The following TTC29 variants were observed in gnomAD, a reference collection of about 807,000 sequenced individuals.
The protein encoded by TTC29 is tetratricopeptide repeat protein 29.
Under a neutral mutation model 58.1 loss-of-function variants are expected in TTC29, and 49 were observed. The observed-to-expected ratio is 0.84, with a 90% CI of 0.67 to 1.07. The LOEUF (loss-of-function observed/expected upper bound fraction) is 1.07. TTC29 is among the 50% of genes least tolerant of loss of function. TTC29 has a pLI of 0.00. For missense variants in TTC29, 582 were observed against 555.6 expected (o/e 1.05, Z -0.48); for synonymous variants, 209 against 196.8 (o/e 1.06, Z -0.52).
At chr4:146,927,893 G>A (rs757416747) in intron 4 of TTC29, among the ~76,000 whole-genome samples, 1 of 152,144 alleles carries the variant, frequency 6.6e-6, no homozygotes. Context: ...GGTGAGCTAA[G>A]CACTGTATGA....
chr4:146,876,956 C>T (rs1381592721), intron 6 of TTC29, among the ~76,000 whole-genome samples: 1 of 130,272 alleles, frequency 7.7e-6, no homozygotes. Context: ...AAAAAAAAAG[C>T]AAAATTTAGT....
At chr4:146,778,814 A>G (rs1204056481) in intron 11 of TTC29, among the ~76,000 whole-genome samples, 2 of 151,768 alleles carry the variant, frequency 1.3e-5, no homozygotes, top group East Asian at 3.9e-4. Context: ...TAGACCCTGG[A>G]CTCCAAAAGG....
At chr4:146,823,089 C>T (rs542288997) in intron 9 of TTC29, among the ~76,000 whole-genome samples, 120 of 152,284 alleles carry the variant, frequency 7.9e-4, no homozygotes, top group African/African-American at 2.8e-3. Flanking sequence ...TTTTGCTATG[C>T]AGAAGCTCTT....
intron 11 of TTC29, among the ~76,000 whole-genome samples, chr4:146,750,205 C>T (rs370573099): frequency 5.3e-5 from 8 of 152,074 alleles, no homozygotes; most frequent in South Asian, 2.1e-4. Flanking sequence ...GACGGGGTTT[C>T]GCGGTGTTAG....
chr4:146,709,649 G>A (rs950690725), intron 11 of TTC29, among the ~76,000 whole-genome samples: 1 of 151,968 alleles, frequency 6.6e-6, no homozygotes, highest in African/African-American at 2.4e-5. Flanking sequence ...ACATTAAGTA[G>A]ACCCTTACAC....
chr4:146,720,697 A>G (rs1417585536), intron 11 of TTC29, among the ~76,000 whole-genome samples: 1 of 152,172 alleles, frequency 6.6e-6, no homozygotes, highest in Non-Finnish European at 1.5e-5. Context: ...GTAGAACTCA[A>G]TAGCAAACCA....
chr4:146,809,626 A>T lies in TTC29; in HGVS notation c.1102-5941T>A, dbSNP rs1750872506. On this transcript the variant is annotated intron_variant, in intron 10 of 12. Transcript: ENST00000325106. ...AGGATATGAACAGACACTTCTTATA[A>T]GAAGACATTTATGCGGCCACCAAAC... Among the ~76,000 whole-genome samples, 2 of 150,096 alleles carry T rather than the reference A, an allele frequency of 1.3e-5. 1 individual carries two copies. The highest frequency in any genetic ancestry group is 1.4e-4 in the Admixed American group (2 of 14,612).
chr4:146,901,266 G>A (rs1264841684), intron 6 of TTC29, among the ~76,000 whole-genome samples: 2 of 152,050 alleles, frequency 1.3e-5, no homozygotes. Context: ...TCAATTTATA[G>A]TAAGCCATAT....
At chr4:146,844,474 T>C (rs972458217) in intron 8 of TTC29, among the ~76,000 whole-genome samples, 1 of 152,224 alleles carries the variant, frequency 6.6e-6, no homozygotes, top group Non-Finnish European at 1.5e-5. Context: ...TACAGTCCAA[T>C]CACAGTGTGA....
chr4:146,913,201 A>G (rs531392717), intron 4 of TTC29, among the ~76,000 whole-genome samples: 117 of 152,168 alleles, frequency 7.7e-4, no homozygotes, highest in Non-Finnish European at 1.2e-3. Context: ...AGGAGTGAAG[A>G]AAACATTTGG....
intron 8 of TTC29, among the ~76,000 whole-genome samples, chr4:146,839,093 G>T (rs1728686771): frequency 6.6e-6 from 1 of 151,872 alleles, no homozygotes; most frequent in African/African-American, 2.4e-5. Flanking sequence ...AACACAGAGT[G>T]ATCCCATATA....
chr4:146,795,478 G>A (rs1165799091), intron 11 of TTC29, among the ~76,000 whole-genome samples: 1 of 152,092 alleles, frequency 6.6e-6, no homozygotes, highest in Non-Finnish European at 1.5e-5. Flanking sequence ...TTTGTAAAGC[G>A]ATATTTGTCA....
chr4:146,874,153 G>A (rs1731105718), intron 7 of TTC29, among the ~76,000 whole-genome samples: 1 of 152,026 alleles, frequency 6.6e-6, no homozygotes, highest in Non-Finnish European at 1.5e-5. Flanking sequence ...TGGGTATCTT[G>A]CTAACCTGAG....
chr4:146,780,600 T>C (rs1748520092), intron 11 of TTC29, among the ~76,000 whole-genome samples: 1 of 151,970 alleles, frequency 6.6e-6, no homozygotes, highest in African/African-American at 2.4e-5. Flanking sequence ...GTGTTCTTCC[T>C]TGGGCTAGTT....
rs570972281 is a variant in TTC29, at chr4:146,926,973, T to C, written c.176+10621A>G. Among the ~76,000 whole-genome samples, 167 of 151,704 alleles carry C rather than the reference T, an allele frequency of 1.1e-3. 1 individual carries two copies. Among genetic ancestry groups the C allele is most frequent in the African/African-American group, 3.7e-3 (154 of 41,340 alleles). ...TTAGCTGAGTGTGGTGGTGCACACC[T>C]GTAATTCCACCTACTCAGGAGGCTG... On this transcript the variant is annotated intron_variant, in intron 4 of 12. Transcript: ENST00000325106.
intron 11 of TTC29, among the ~76,000 whole-genome samples, chr4:146,722,975 G>A (rs1461924487): frequency 6.6e-6 from 1 of 152,164 alleles, no homozygotes; most frequent in Non-Finnish European, 1.5e-5. Flanking sequence ...TGGGATTACA[G>A]GCATGAGCCA....
rs937376194 is a variant in TTC29 at position 146,741,500 on chromosome 4, T to C, written c.1331-33949A>G. On this transcript the variant is annotated intron_variant, in intron 11 of 12. Transcript: ENST00000325106. The stretch of plus-strand genomic sequence containing the variant: ...TAAAAAATTGTTCTTTTTTTTTTTT[T>C]TGCTTACTTTATTTGTCTCTTTTCT... 4.6e-5 allele frequency among the ~76,000 whole-genome samples: 7 copies of C among 152,046 alleles called. No homozygotes were observed. The East Asian group carries it at 7.7e-4, about 17-fold the overall frequency.
At chr4:146,913,767 T>C (rs1168693074) in intron 4 of TTC29, among the ~76,000 whole-genome samples, 1 of 152,168 alleles carries the variant, frequency 6.6e-6, no homozygotes, top group Non-Finnish European at 1.5e-5. Context: ...CCACTTGATT[T>C]AGTCAGAATC....
chr4:146,892,126 C>T (rs1732410770), intron 6 of TTC29, among the ~76,000 whole-genome samples: 1 of 152,008 alleles, frequency 6.6e-6, no homozygotes, highest in Admixed American at 6.6e-5. Flanking sequence ...CAGACTTCCC[C>T]CTTGCTGTTC....
Sources: gnomAD v4.1 joint callset for allele counts (sites outside exome capture counted in the v4.1 genomes callset) on GRCh38, gnomAD v4.1.1 for gene constraint, MANE v1.5 for transcripts, NCBI Gene and HGNC (gene_info 2026-07-23, HGNC 2026-07-21) for gene names.